The following CSMD1 variants were observed in gnomAD, a reference collection of about 807,000 sequenced individuals.
The protein encoded by CSMD1 is CUB and sushi domain-containing protein 1.
Under a neutral mutation model 417.5 loss-of-function variants are expected in CSMD1, and 213 were observed. The ratio of observed to expected loss-of-function variants is 0.51; its 90% CI spans 0.46 to 0.57. The LOEUF (loss-of-function observed/expected upper bound fraction) is 0.57. Ranked by LOEUF, CSMD1 falls within the 20% of genes least tolerant of loss-of-function variation. The pLI is 0.00. For missense variants in CSMD1, 6,923 were observed against 4,529.7 expected, an observed-to-expected ratio of 1.53 and a Z score of -15.17; for synonymous variants, 2,862 against 1,736.8, an observed-to-expected ratio of 1.65 and a Z score of -16.11.
In CSMD1 at chr8:3,999,306, C is replaced by T. The variant is rs142648310; in HGVS notation, c.611-1196G>A. Among the ~76,000 whole-genome samples, 464 of 152,156 alleles carry T rather than the reference C, an allele frequency of 3.0e-3. 1 individual carries two copies. Among genetic ancestry groups the T allele is most frequent in the Middle Eastern group, 0.01 (3 of 294 alleles). ...TTGCTGTAAGCAGAGGTTGTGTGACCGGCCTGAGCTCTTACAAAGTGCATA... is the reference window on the plus strand; with the variant it reads ...TTGCTGTAAGCAGAGGTTGTGTGACTGGCCTGAGCTCTTACAAAGTGCATA... On this transcript the variant is annotated intron_variant, in intron 4 of 69. Coordinates refer to ENST00000635120, the MANE Select transcript of CSMD1 (RefSeq NM_033225.6).
At chr8:4,748,360 C>G (rs1473218649) in intron 1 of CSMD1, among the ~76,000 whole-genome samples, 3 of 152,234 alleles carry the variant, frequency 2.0e-5, no homozygotes, top group African/African-American at 7.2e-5. Flanking sequence ...GTTTTCTTAG[C>G]ATGGTTTTCT....
At chr8:3,653,911 T>G (rs1047243052) in intron 7 of CSMD1, among the ~76,000 whole-genome samples, 1 of 152,228 alleles carries the variant, frequency 6.6e-6, no homozygotes, top group Non-Finnish European at 1.5e-5. Context: ...AAATCAGCAC[T>G]TGCTCTTGTG....
chr8:3,294,004 G>T (rs1584945146), intron 25 of CSMD1, among the ~76,000 whole-genome samples: 1 of 143,032 alleles, frequency 7.0e-6, no homozygotes, highest in South Asian at 2.5e-4. Flanking sequence ...ATGGGGTTTT[G>T]GTGTGGATGT....
At chr8:4,253,434 G>C (rs551710818) in intron 3 of CSMD1, among the ~76,000 whole-genome samples, 64 of 152,026 alleles carry the variant, frequency 4.2e-4, no homozygotes, top group African/African-American at 1.5e-3. Context: ...CCAGAACATA[G>C]CGGAACACCA....
At chr8:4,565,019 G>A (rs555371014) in intron 2 of CSMD1, among the ~76,000 whole-genome samples, 6 of 152,156 alleles carry the variant, frequency 3.9e-5, no homozygotes, top group Admixed American at 2.0e-4. Flanking sequence ...ATAGATGTCT[G>A]TCATCTTCAA....
chr8:4,628,141 G>T (rs1425224352), intron 2 of CSMD1, among the ~76,000 whole-genome samples: 1 of 138,742 alleles, frequency 7.2e-6, no homozygotes, highest in East Asian at 2.4e-4. Context: ...ATATATATAT[G>T]TACACAGTAT....
intron 5 of CSMD1, among the ~76,000 whole-genome samples, chr8:3,979,629 T>A (rs1022834819): frequency 1.3e-5 from 2 of 152,096 alleles, no homozygotes; most frequent in African/African-American, 4.8e-5. Flanking sequence ...GAGGAAGAGA[T>A]TCCAGAGCTC....
At chr8:3,875,362 G>C (rs772926649) in intron 5 of CSMD1, among the ~76,000 whole-genome samples, 3 of 152,230 alleles carry the variant, frequency 2.0e-5, no homozygotes, top group African/African-American at 7.2e-5. Context: ...GAAGGACAGT[G>C]AGTGACGTTT....
At chr8:4,894,745 C>G (rs1261029136) in intron 1 of CSMD1, among the ~76,000 whole-genome samples, 1 of 150,484 alleles carries the variant, frequency 6.6e-6, no homozygotes, top group African/African-American at 2.5e-5. Flanking sequence ...CGAGGGGGAC[C>G]AAGTGTGTTT....
intron 59 of CSMD1, among the ~76,000 whole-genome samples, chr8:2,964,284 T>C (rs989900873): frequency 2.0e-5 from 3 of 152,080 alleles, no homozygotes; most frequent in African/African-American, 7.2e-5. Context: ...CACCCAAAAG[T>C]TGGAAATGGG....
intron 2 of CSMD1, among the ~76,000 whole-genome samples, chr8:4,630,016 A>T (rs1392903955): frequency 6.6e-6 from 1 of 152,088 alleles, no homozygotes; most frequent in Non-Finnish European, 1.5e-5. Flanking sequence ...TTCTCTGCCC[A>T]TATTAGTATG....
At chr8:4,305,355 G>C (rs151323863) in intron 3 of CSMD1, among the ~76,000 whole-genome samples, 29 of 152,280 alleles carry the variant, frequency 1.9e-4, no homozygotes, top group Admixed American at 5.2e-4. Flanking sequence ...ACCCGAACTG[G>C]AATCTAAGGG....
In CSMD1 at chr8:3,205,514, T is replaced by C; in HGVS notation, c.4974A>G (p.Pro1658=). The C allele has an allele frequency of 6.5e-7, 1 of 1,536,180 alleles. No individual in the cohort carries two copies. The highest frequency in any genetic ancestry group is 8.9e-7 in the Non-Finnish European group (1 of 1,119,668). Reference sequence around the variant, plus strand: ...CAAGGACATCCTTACCGAATTCCTTTGGTACCGTGATGGAATAGAGGCATA... The same window carrying C: ...CAAGGACATCCTTACCGAATTCCTTCGGTACCGTGATGGAATAGAGGCATA... ...GQICLYSITV[P]KEFVVFGQFA... Residue 1658 remains proline, a synonymous_variant, in exon 31 of 70, where the codon CCA becomes CCG. Coordinates refer to ENST00000635120, the MANE Select transcript of CSMD1 (RefSeq NM_033225.6).
At chr8:4,564,792 C>G (rs1254496657) in intron 2 of CSMD1, among the ~76,000 whole-genome samples, 1 of 152,182 alleles carries the variant, frequency 6.6e-6, no homozygotes, top group Non-Finnish European at 1.5e-5. Context: ...GAACAAGCAC[C>G]TAGAATTTAA....
intron 3 of CSMD1, among the ~76,000 whole-genome samples, chr8:4,399,000 C>G (rs542559441): frequency 6.6e-6 from 1 of 152,144 alleles, no homozygotes; most frequent in Non-Finnish European, 1.5e-5. Context: ...TTACTGAGCA[C>G]CTAATATGTA....
intron 3 of CSMD1, among the ~76,000 whole-genome samples, chr8:4,078,669 A>C (rs926720999): frequency 6.6e-6 from 1 of 150,796 alleles, no homozygotes; most frequent in Non-Finnish European, 1.5e-5. Flanking sequence ...TTTGAGAAAA[A>C]ACTTGCTGTA....
intron 2 of CSMD1, among the ~76,000 whole-genome samples, chr8:4,447,218 G>T (rs1368486005): frequency 1.3e-5 from 2 of 152,168 alleles, no homozygotes; most frequent in South Asian, 4.1e-4. Flanking sequence ...AAATATACAT[G>T]ACAAAGTTCT....
chr8:3,867,907 C>T (rs894950962), intron 5 of CSMD1, among the ~76,000 whole-genome samples: 3 of 151,972 alleles, frequency 2.0e-5, no homozygotes, highest in African/African-American at 7.3e-5. Flanking sequence ...TCTGTGTCAC[C>T]TCCGCCTCCT....
chr8:3,919,722 G>A (rs139860905), intron 5 of CSMD1, among the ~76,000 whole-genome samples: 21 of 152,128 alleles, frequency 1.4e-4, no homozygotes, highest in Admixed American at 6.6e-4. Context: ...ATGACTTTGC[G>A]TAGTATGGAC....
Sources: gnomAD v4.1 joint callset for allele counts (sites outside exome capture counted in the v4.1 genomes callset) on GRCh38, gnomAD v4.1.1 for gene constraint, MANE v1.5 for transcripts, NCBI Gene and HGNC (gene_info 2026-07-23, HGNC 2026-07-21) for gene names.